Variants in ERBB4 observed in about 807,000 individuals in gnomAD.
ERBB4 encodes the protein erb-b2 receptor tyrosine kinase 4, also known as receptor tyrosine-protein kinase erbB-4.
In ERBB4, 42 loss-of-function variants were observed where a neutral mutation model predicts 158.0. The ratio of observed to expected loss-of-function variants is 0.27; its 90% CI spans 0.21 to 0.34. The LOEUF (loss-of-function observed/expected upper bound fraction) is 0.34. Ranked by LOEUF, ERBB4 falls within the 10% of genes least tolerant of loss-of-function variation. The pLI is 1.00. For synonymous variants in ERBB4, 583 were observed against 558.7 expected (o/e 1.04, Z -0.61); for missense variants, 1,333 against 1,624.1 (o/e 0.82, Z 3.08).
At chr2:211,892,452 T>C (rs2078992959) in intron 3 of ERBB4, among the ~76,000 whole-genome samples, 1 of 123,138 alleles carries the variant, frequency 8.1e-6, no homozygotes. Context: ...GCCAATATCA[T>C]ACTGAATGGG....
intron 2 of ERBB4, among the ~76,000 whole-genome samples, chr2:212,082,867 T>A (rs138262590): frequency 1.3e-5 from 2 of 152,096 alleles, no homozygotes; most frequent in Non-Finnish European, 2.9e-5. Context: ...AGAACACAAA[T>A]CAGAAATTTC....
chr2:212,016,515 T>A (rs546190002), intron 2 of ERBB4, among the ~76,000 whole-genome samples: 4 of 152,324 alleles, frequency 2.6e-5, no homozygotes, highest in Non-Finnish European at 4.4e-5. Context: ...ATGCAAATTT[T>A]AAAAAATCTA....
intron 2 of ERBB4, among the ~76,000 whole-genome samples, chr2:212,003,315 T>A: frequency 9.1e-6 from 1 of 109,564 alleles, no homozygotes; most frequent in Admixed American, 9.7e-5. Context: ...ATTGACCAGC[T>A]GAATGGTAAA....
intron 4 of ERBB4, among the ~76,000 whole-genome samples, chr2:211,786,956 G>A (rs1288548212): frequency 6.6e-6 from 1 of 152,080 alleles, no homozygotes. Context: ...CTGTTCAAAG[G>A]TGACAAGAAA....
intron 19 of ERBB4, among the ~76,000 whole-genome samples, chr2:211,607,896 G>T (rs1464598907): frequency 1.8e-4 from 25 of 142,010 alleles, no homozygotes; most frequent in South Asian, 6.6e-4. Flanking sequence ...TTTAGACAGG[G>T]TCTCACTCTG....
chr2:211,655,737 TG>T (rs1163588333), intron 16 of ERBB4, among the ~76,000 whole-genome samples: 1 of 152,194 alleles, frequency 6.6e-6, no homozygotes, highest in Non-Finnish European at 1.5e-5. Context: ...AGATGAACCC[TG>T]GCTTATAAAA....
At chr2:212,390,243 T>C (rs1045123360) in intron 1 of ERBB4, among the ~76,000 whole-genome samples, 2 of 151,910 alleles carry the variant, frequency 1.3e-5, no homozygotes, top group African/African-American at 4.8e-5. Context: ...TTATTAAGGA[T>C]TTGTACATTG....
intron 4 of ERBB4, among the ~76,000 whole-genome samples, chr2:211,772,868 T>TATAC (rs2075741389): frequency 6.3e-5 from 4 of 63,478 alleles, no homozygotes; most frequent in South Asian, 8.3e-4. Context: ...TATATATATA[T>TATAC]ACACATATAT....
chr2:212,018,475 C>A (rs2076575916), intron 2 of ERBB4, among the ~76,000 whole-genome samples: 1 of 152,074 alleles, frequency 6.6e-6, no homozygotes, highest in South Asian at 2.1e-4. Context: ...TGGAAATAAA[C>A]CAGCATAGAA....
At chr2:212,340,055 T>TG (rs887056547) in intron 1 of ERBB4, among the ~76,000 whole-genome samples, 2 of 151,740 alleles carry the variant, frequency 1.3e-5, no homozygotes, top group African/African-American at 4.8e-5. Flanking sequence ...TTCTTTTTTT[T>TG]TTTTTAAGAC....
chr2:211,867,151 C>T (rs543370241), intron 3 of ERBB4, among the ~76,000 whole-genome samples: 46 of 149,562 alleles, frequency 3.1e-4, no homozygotes, highest in Admixed American at 2.5e-3. Context: ...TAATTCCATA[C>T]ATTTATTACG....
intron 19 of ERBB4, among the ~76,000 whole-genome samples, chr2:211,564,261 A>G (rs2067487221): frequency 6.6e-6 from 1 of 152,178 alleles, no homozygotes; most frequent in Non-Finnish European, 1.5e-5. Context: ...GCTGAGGAGT[A>G]GTAGTATTAC....
intron 1 of ERBB4, among the ~76,000 whole-genome samples, chr2:212,510,468 T>C (rs1196906699): frequency 6.6e-6 from 1 of 151,814 alleles, no homozygotes; most frequent in African/African-American, 2.4e-5. Context: ...CACTTTTCTG[T>C]TTTAAATAGG....
In ERBB4 at chr2:211,602,530, C is replaced by A. The variant is rs1030551819; in HGVS notation, c.2301+16647G>T. ...AAACCAGTCAACTTTTCTCCTACCCCCTGGCCAAAACACAACTCAAACAAA... is the reference window on the plus strand; with the variant it reads ...AAACCAGTCAACTTTTCTCCTACCCACTGGCCAAAACACAACTCAAACAAA... On this transcript the variant is annotated intron_variant, in intron 19 of 27. Coordinates refer to ENST00000342788, the MANE Select transcript of ERBB4 (RefSeq NM_005235.3). Among the ~76,000 whole-genome samples the A allele has an allele frequency of 2.0e-5, 3 of 152,210 alleles. No homozygotes were observed. The East Asian group carries it at 5.8e-4, about 30-fold the overall frequency.
intron 20 of ERBB4, among the ~76,000 whole-genome samples, chr2:211,525,483 G>A (rs1036698368): frequency 1.3e-5 from 2 of 152,120 alleles, no homozygotes; most frequent in Admixed American, 1.3e-4. Flanking sequence ...ACCTAGTCCT[G>A]GTAGGATCCA....
intron 27 of ERBB4, 28 bp from the exon 28 acceptor site, chr2:211,384,088 C>T (rs2125312423): frequency 6.5e-6 from 10 of 1,541,466 alleles, no homozygotes; most frequent in Non-Finnish European, 9.0e-6. Flanking sequence ...TATCAGCTAA[C>T]CTCTAGTTTC....
intron 3 of ERBB4, among the ~76,000 whole-genome samples, chr2:211,878,946 T>C (rs1055488928): frequency 6.6e-6 from 1 of 152,116 alleles, no homozygotes; most frequent in Admixed American, 6.5e-5. Context: ...ATTCACTGAG[T>C]TCTTAACAGA....
intron 3 of ERBB4, among the ~76,000 whole-genome samples, chr2:211,933,649 A>AT (rs1273787078): frequency 2.0e-5 from 3 of 151,998 alleles, no homozygotes; most frequent in African/African-American, 2.4e-5. Flanking sequence ...ATCAAATTAT[A>AT]TTTTTGGAAT....
intron 3 of ERBB4, among the ~76,000 whole-genome samples, chr2:211,888,971 G>A (rs912901633): frequency 4.0e-5 from 6 of 149,524 alleles, no homozygotes; most frequent in East Asian, 3.9e-4. Flanking sequence ...GAGGCTGGGG[G>A]AGGGGCGCCC....
Sources: gnomAD v4.1 joint callset for allele counts (sites outside exome capture counted in the v4.1 genomes callset) on GRCh38, gnomAD v4.1.1 for gene constraint, MANE v1.5 for transcripts, NCBI Gene and HGNC (gene_info 2026-07-23, HGNC 2026-07-21) for gene names.